SLIT1: variants seen among roughly 807,000 people sequenced by gnomAD.
SLIT1 encodes the protein slit homolog 1 protein.
In SLIT1, 66 loss-of-function variants were observed where a neutral mutation model predicts 186.1. The observed-to-expected ratio is 0.35, with a 90% CI of 0.29 to 0.44. The LOEUF is 0.44. Among genes scored for constraint, SLIT1 ranks in the 20% least tolerant of loss-of-function variants. SLIT1 has a pLI of 1.00. For synonymous variants in SLIT1, 761 were observed against 833.8 expected (o/e 0.91, Z 1.50); for missense variants, 1,638 against 2,037.4 (o/e 0.80, Z 3.77).
chr10:97,111,530 T>C (rs1214544076), intron 4 of SLIT1, among the ~76,000 whole-genome samples: 1 of 152,240 alleles, frequency 6.6e-6, no homozygotes, highest in Admixed American at 6.5e-5. Flanking sequence ...ACCCTGTCTG[T>C]CCACGCCTAC....
In SLIT1 at chr10:97,006,762, G is replaced by T; in HGVS notation, c.3342-42C>A. 1 of 1,377,852 alleles carries T rather than the reference G, an allele frequency of 7.3e-7. No homozygotes were observed. The highest frequency in any genetic ancestry group is 1.0e-6 in the Non-Finnish European group (1 of 969,032). The allele number at this position is 1,377,852 out of a possible 1,614,324, so 85.4% of individuals were successfully genotyped here. ...TAAGTCAGAGAGGGCCAAGGAGGAAGGGAGTATCTTCCTCTCCCACAGCCC... is the reference window on the plus strand; with the variant it reads ...TAAGTCAGAGAGGGCCAAGGAGGAATGGAGTATCTTCCTCTCCCACAGCCC... On this transcript the variant is annotated intron_variant, in intron 31 of 36. Transcript: ENST00000266058. This position sits in a 1 kb window ranked among gnomAD's most constrained non-coding sequence, Gnocchi z 4.0.
At chr10:97,056,080 T>C (rs1292384144) in intron 13 of SLIT1, among the ~76,000 whole-genome samples, 1 of 152,198 alleles carries the variant, frequency 6.6e-6, no homozygotes, top group African/African-American at 2.4e-5. Flanking sequence ...GGCATCCCCA[T>C]CTTACGGATA....
chr10:97,066,809 GGTCA>G (rs1011460165), intron 4 of SLIT1, among the ~76,000 whole-genome samples: 151 of 152,258 alleles, frequency 9.9e-4, no homozygotes, highest in African/African-American at 3.5e-3. Context: ...TGCCCACAGA[GGTCA>G]GCCCACCAGA....
chr10:97,116,264 G>A (rs908288963), intron 4 of SLIT1, among the ~76,000 whole-genome samples: 1 of 152,092 alleles, frequency 6.6e-6, no homozygotes, highest in Non-Finnish European at 1.5e-5. Context: ...GGAAGAGAGA[G>A]AGAAATAATA....
rs576240680 is a variant in SLIT1 at position 97,015,433 on chromosome 10, G to A, written c.2970-1275C>T. 6.9e-4 allele frequency among the ~76,000 whole-genome samples: 105 copies of A among 152,308 alleles called. 1 individual carries two copies. The highest frequency in any genetic ancestry group is 2.5e-3 in the African/African-American group (103 of 41,570). On this transcript the variant is annotated intron_variant, in intron 28 of 36. Transcript: ENST00000266058. ...GATGACAGGTCACTGTGGAGATTTG[G>A]CATAAAAACTGGGAGGGCTTTCAAA...
intron 13 of SLIT1, among the ~76,000 whole-genome samples, chr10:97,052,097 T>TTG (rs938227048): frequency 4.9e-5 from 4 of 82,296 alleles, no homozygotes; most frequent in African/African-American, 1.3e-4. Context: ...TCGGTTTTTT[T>TTG]TTGTTTGTTT....
chr10:97,126,099 G>C (rs1278293339), intron 4 of SLIT1, among the ~76,000 whole-genome samples: 1 of 152,178 alleles, frequency 6.6e-6, no homozygotes, highest in African/African-American at 2.4e-5. Context: ...ATAGGACAGA[G>C]ACTTATTTTC....
Position 97,147,287 on chromosome 10 carries a change from T to C in SLIT1, c.413+10531A>G, listed in dbSNP as rs769108999. On this transcript the variant is annotated intron_variant, in intron 4 of 36. Coordinates refer to ENST00000266058, the MANE Select transcript of SLIT1 (RefSeq NM_003061.3). ...CTGCAGGGAGGGGGATGAGGAGCTA[T>C]TGCTCAATGGGTACAGAGTTTATAT... Among the ~76,000 whole-genome samples the C allele has an allele frequency of 2.8e-4, 43 of 152,250 alleles. No homozygotes were observed. The Middle Eastern group carries it at 0.017, about 60-fold the overall frequency.
At position 97,184,018 on chromosome 10, in the gene SLIT1, CCACACACA is replaced by C. The variant is rs36000443; in HGVS notation, c.197+1452_197+1459del. Among the ~76,000 whole-genome samples the C allele has an allele frequency of 0.24, 33,530 of 142,472 alleles. 3,948 individuals carry two copies. Among genetic ancestry groups the C allele is most frequent in the Middle Eastern group, 0.28 (77 of 280 alleles). 93.5% of individuals were successfully genotyped at this position (142,472 alleles called of 152,430 possible). A position where few individuals can be genotyped will look rare whatever the true frequency, so the allele number is the denominator to read the frequency against. Reference sequence around the variant, plus strand: ...ATTCACACACACACATACACATGCACCACACACACACACACACACACACACACACACAC... The same window carrying C: ...ATTCACACACACACATACACATGCACCACACACACACACACACACACACAC... On this transcript the variant is annotated intron_variant, in intron 1 of 36. Coordinates refer to ENST00000266058, the MANE Select transcript of SLIT1 (RefSeq NM_003061.3). This position sits in a 1 kb window ranked among gnomAD's most constrained non-coding sequence, Gnocchi z 4.4.
intron 4 of SLIT1, among the ~76,000 whole-genome samples, chr10:97,081,995 C>A (rs1339063272): frequency 6.6e-6 from 1 of 152,208 alleles, no homozygotes; most frequent in Non-Finnish European, 1.5e-5. Flanking sequence ...TAACACACAC[C>A]CAGAAAGACA....
Position 97,043,583 on chromosome 10 carries a change from C to A in SLIT1, c.1854-70G>T. 7.0e-7 allele frequency: 1 copy of A among 1,435,834 alleles called. No homozygotes were observed. Among genetic ancestry groups the A allele is most frequent in the African/African-American group, 1.4e-5 (1 of 72,080 alleles). 88.9% of individuals were successfully genotyped at this position (1,435,834 alleles called of 1,614,324 possible). A position where few individuals can be genotyped will look rare whatever the true frequency, so the allele number is the denominator to read the frequency against. On this transcript the variant is annotated intron_variant, in intron 18 of 36. Transcript: ENST00000266058. This position sits in a 1 kb window ranked among gnomAD's most constrained non-coding sequence, Gnocchi z 7.0. ...CCAGCCATCCACCTGGGCCACGCAG[C>A]TTCCGCCATCGTGGCTCGTTCACAG...
intron 20 of SLIT1, 145 bp from the exon 21 acceptor site, chr10:97,040,265 C>T (rs1848679350): frequency 1.3e-6 from 1 of 799,452 alleles, no homozygotes; most frequent in Non-Finnish European, 1.8e-6. Context: ...GTGCACTACA[C>T]CTCCCCGCCA....
At chr10:97,159,527 T>C (rs928747691) in intron 3 of SLIT1, among the ~76,000 whole-genome samples, 85 of 152,362 alleles carry the variant, frequency 5.6e-4, no homozygotes, top group African/African-American at 2.0e-3. Flanking sequence ...CAAGACTTTC[T>C]CATTTTTCTG....
At chr10:97,041,037 T>A (rs1345456923) in intron 20 of SLIT1, among the ~76,000 whole-genome samples, 1 of 152,028 alleles carries the variant, frequency 6.6e-6, no homozygotes, top group Non-Finnish European at 1.5e-5. Flanking sequence ...AAAGGCAGAG[T>A]GGTTCAGAAA....
chr10:97,175,123 G>A (rs1289548774), intron 1 of SLIT1, among the ~76,000 whole-genome samples: 1 of 152,190 alleles, frequency 6.6e-6, no homozygotes, highest in Non-Finnish European at 1.5e-5. Context: ...GGGTAACTCA[G>A]ATAAGTGAGA....
chr10:97,057,711 C>T, intron 11 of SLIT1: 1 of 431,008 alleles, frequency 2.3e-6, no homozygotes, highest in Non-Finnish European at 4.2e-6. Flanking sequence ...TGCCAGACGG[C>T]ATATGCAGTG....
chr10:97,012,934 T>C (rs1848424320), intron 30 of SLIT1, among the ~76,000 whole-genome samples: 1 of 152,222 alleles, frequency 6.6e-6, no homozygotes, highest in African/African-American at 2.4e-5. Context: ...TTTGCACAAC[T>C]GCAGTTGGAA....
rs143047818 is a variant in SLIT1, at chr10:97,151,723, T to C, written c.413+6095A>G. 1.2e-4 allele frequency among the ~76,000 whole-genome samples: 18 copies of C among 152,288 alleles called. No homozygotes were observed. The East Asian group carries it at 3.3e-3, about 28-fold the overall frequency. On this transcript the variant is annotated intron_variant, in intron 4 of 36. Transcript: ENST00000266058. ...CCCGCTGAGCTTGCATTTCTTTATC[T>C]GTAAAATTCGGAAAGTGCTGACCTC...
rs1214853472 is a variant in SLIT1, at chr10:97,002,222, G to A, written c.4302C>T (p.Ala1434=). 9 of 1,587,600 alleles carry A rather than the reference G, an allele frequency of 5.7e-6. No individual in the cohort carries two copies. Among genetic ancestry groups the A allele is most frequent in the Non-Finnish European group, 7.7e-6 (9 of 1,164,958 alleles). The change falls in exon 36 of 37, where the codon GCC becomes GCT. Residue 1434 remains alanine, a synonymous_variant. Coordinates refer to ENST00000266058, the MANE Select transcript of SLIT1 (RefSeq NM_003061.3). ...CACAGTGTGCCCCCTTGGTGCCTGA[G>A]GCCTGGCAGTGGCCATGCAGGCACT... The part of the protein sequence containing the change: ...GLQCLHGHCQ[A]SGTKGAHCVC...
Sources: allele counts gnomAD v4.1 joint callset (sites outside exome capture counted in the v4.1 genomes callset), GRCh38; gene constraint gnomAD v4.1.1; non-coding constraint Gnocchi (gnomAD v3.1); transcripts MANE v1.5; gene names NCBI Gene and HGNC (gene_info 2026-07-23, HGNC 2026-07-21).